Variants in PCSK5 observed in about 807,000 individuals in gnomAD.
PCSK5 encodes proprotein convertase subtilisin/kexin type 5.
A neutral mutation model predicts 233.2 loss-of-function variants in PCSK5; 129 were observed. That is an observed-to-expected ratio of 0.55 (90% CI 0.48 to 0.64). The LOEUF (loss-of-function observed/expected upper bound fraction) is 0.64. PCSK5 is among the 30% of genes least tolerant of loss of function. The pLI is 0.00. For missense variants in PCSK5, 2,076 were observed against 2,430.1 expected, an observed-to-expected ratio of 0.85 and a Z score of 3.06; for synonymous variants, 825 against 879.2, an observed-to-expected ratio of 0.94 and a Z score of 1.09.
At chr9:75,902,214 T>TAAAAAACAAAAAA (rs1826069869) in intron 1 of PCSK5, among the ~76,000 whole-genome samples, 1 of 53,300 alleles carries the variant, frequency 1.9e-5, no homozygotes, top group Non-Finnish European at 3.5e-5. Flanking sequence ...AGACACCATC[T>TAAAAAACAAAAAA]AAAAAAAAAA....
At chr9:75,970,252 T>C (rs1219702015) in intron 2 of PCSK5, among the ~76,000 whole-genome samples, 2 of 152,212 alleles carry the variant, frequency 1.3e-5, no homozygotes, top group Non-Finnish European at 2.9e-5. Context: ...ATTAATTCAA[T>C]CTAATTCAGA....
At chr9:76,101,868 A>AT (rs1831773708) in intron 8 of PCSK5, among the ~76,000 whole-genome samples, 1 of 152,104 alleles carries the variant, frequency 6.6e-6, no homozygotes, top group African/African-American at 2.4e-5. Context: ...CTACCACCCG[A>AT]TTCATTTTTC....
chr9:76,219,498 A>T (rs761578872), intron 20 of PCSK5, among the ~76,000 whole-genome samples: 10 of 152,190 alleles, frequency 6.6e-5, no homozygotes, highest in Non-Finnish European at 1.5e-4. Context: ...GGTGGTATTA[A>T]GCTCTGTGGG....
At position 76,326,615 on chromosome 9, in the gene PCSK5, C is replaced by A. The variant is rs546087374; in HGVS notation, c.4340-1394C>A. Among the ~76,000 whole-genome samples, 52 of 152,216 alleles carry A rather than the reference C, an allele frequency of 3.4e-4. 1 individual carries two copies. In the South Asian group the frequency reaches 8.3e-3, roughly 24 times the overall value. The stretch of plus-strand genomic sequence containing the variant: ...GACTTAGCATCTCCAGCCTCAATTT[C>A]CTGATTTAGATAAAATGAGAGGATA... On this transcript the variant is annotated intron_variant, in intron 32 of 37. Transcript: ENST00000674117.
intron 1 of PCSK5, among the ~76,000 whole-genome samples, chr9:75,926,470 A>C (rs113604289): frequency 0.025 from 3,750 of 152,236 alleles, 153 homozygotes; most frequent in African/African-American, 0.084. Context: ...TGCTGGGAAA[A>C]GATGTATTTG....
At chr9:76,088,263 G>A (rs1831145209) in intron 7 of PCSK5, among the ~76,000 whole-genome samples, 1 of 152,216 alleles carries the variant, frequency 6.6e-6, no homozygotes, top group Non-Finnish European at 1.5e-5. Context: ...ACTGGTTGTT[G>A]GCTGGTTGCT....
chr9:76,184,590 A>G, intron 16 of PCSK5, 83 bp from the exon 17 acceptor site: 1 of 832,450 alleles, frequency 1.2e-6, no homozygotes, highest in Admixed American at 1.9e-5. Flanking sequence ...TGTAGCATAC[A>G]TTAGCAAGCA....
At chr9:76,296,350 T>C (rs1411015132) in intron 26 of PCSK5, among the ~76,000 whole-genome samples, 3 of 152,160 alleles carry the variant, frequency 2.0e-5, no homozygotes, top group Non-Finnish European at 4.4e-5. Flanking sequence ...CTGGACACAG[T>C]GGCCTGGCCA....
At chr9:76,138,355 T>A (rs549261342) in intron 10 of PCSK5, among the ~76,000 whole-genome samples, 1 of 152,232 alleles carries the variant, frequency 6.6e-6, no homozygotes, top group South Asian at 2.1e-4. Flanking sequence ...ATAGAGAATA[T>A]CTTCTGTGGT....
intron 20 of PCSK5, among the ~76,000 whole-genome samples, chr9:76,224,278 G>C (rs1310637113): frequency 6.6e-6 from 1 of 152,202 alleles, no homozygotes; most frequent in Non-Finnish European, 1.5e-5. Context: ...AGAGGAACTG[G>C]TGGAGAAATA....
chr9:75,942,362 G>T (rs1004797565), intron 2 of PCSK5, among the ~76,000 whole-genome samples: 1 of 152,222 alleles, frequency 6.6e-6, no homozygotes, highest in South Asian at 2.1e-4. Context: ...GGCTGTGTTG[G>T]GAGAAAGGGA....
chr9:76,058,005 T>G (rs2131573929), intron 5 of PCSK5, among the ~76,000 whole-genome samples: 1 of 152,082 alleles, frequency 6.6e-6, no homozygotes, highest in East Asian at 1.9e-4. Flanking sequence ...CCCAGCTAAT[T>G]TATTTTTTAT....
chr9:75,934,586 TA>T (rs201290687), intron 2 of PCSK5, among the ~76,000 whole-genome samples: 1 of 151,254 alleles, frequency 6.6e-6, no homozygotes. Context: ...TTTTTTTTTT[TA>T]AATTTTTTTT....
In PCSK5 at chr9:76,354,184, G is replaced by C. The variant is rs1340714788; in HGVS notation, c.5219G>C (p.Ser1740Thr). 1.9e-6 allele frequency: 3 copies of C among 1,587,446 alleles called. No homozygotes were observed. Among genetic ancestry groups the C allele is most frequent in the Non-Finnish European group, 2.6e-6 (3 of 1,167,752 alleles). ...LHCCNTSDPP[S>T]AQECCDCQDT... ...TGCTGCAACACCTCTGATCCCCCCA[G>C]TGCCCAGGAGTGCTGTGACTGCCAG... Residue 1740 changes from serine (S) to threonine (T), a missense_variant, in exon 37 of 38, where the codon AGT becomes ACT. Coordinates refer to ENST00000674117, the MANE Select transcript of PCSK5 (RefSeq NM_001372043.1).
chr9:76,190,669 C>T (rs1165123003), intron 20 of PCSK5, among the ~76,000 whole-genome samples: 2 of 152,100 alleles, frequency 1.3e-5, no homozygotes, highest in Non-Finnish European at 2.9e-5. Flanking sequence ...AAATGGGTAT[C>T]TGAATCTTTC....
intron 3 of PCSK5, among the ~76,000 whole-genome samples, chr9:76,003,133 G>A (rs989038505): frequency 6.6e-6 from 1 of 152,198 alleles, no homozygotes; most frequent in Non-Finnish European, 1.5e-5. Flanking sequence ...GGACTACGAG[G>A]CTATGGAAAG....
intron 10 of PCSK5, among the ~76,000 whole-genome samples, chr9:76,141,963 A>T (rs777755580): frequency 2.6e-4 from 40 of 151,988 alleles, no homozygotes; most frequent in Non-Finnish European, 4.0e-4. Context: ...AACAACACAC[A>T]CTGGGGCCTA....
At chr9:76,115,914 T>C (rs1205185741) in intron 9 of PCSK5, among the ~76,000 whole-genome samples, 1 of 152,140 alleles carries the variant, frequency 6.6e-6, no homozygotes, top group East Asian at 1.9e-4. Flanking sequence ...TCTTGCCCTA[T>C]AATTTTTTAC....
At chr9:76,251,424 C>T (rs1201262564) in intron 24 of PCSK5, among the ~76,000 whole-genome samples, 3 of 151,676 alleles carry the variant, frequency 2.0e-5, no homozygotes, top group Admixed American at 6.6e-5. Flanking sequence ...ATTAGCTGGG[C>T]GTGGTGGCAC....
Sources: gnomAD v4.1 joint callset for allele counts (sites outside exome capture counted in the v4.1 genomes callset) on GRCh38, gnomAD v4.1.1 for gene constraint, MANE v1.5 for transcripts, NCBI Gene and HGNC (gene_info 2026-07-23, HGNC 2026-07-21) for gene names.